The following MYO18A variants were observed in gnomAD, a reference collection of about 807,000 sequenced individuals.
MYO18A encodes unconventional myosin-XVIIIa.
MYO18A carries 78 observed loss-of-function variants against 235.8 expected under a neutral mutation model. The ratio of observed to expected loss-of-function variants is 0.33; its 90% CI spans 0.28 to 0.40. The LOEUF (loss-of-function observed/expected upper bound fraction) is 0.40. MYO18A is among the 10% of genes least tolerant of loss of function. The probability of loss-of-function intolerance (pLI) is 1.00; values close to 1 mark genes in which losing one functional copy is unlikely to be tolerated. For synonymous variants in MYO18A, 977 were observed against 1,077.8 expected, an observed-to-expected ratio of 0.91 and a Z score of 1.83; for missense variants, 2,215 against 2,699.3, an observed-to-expected ratio of 0.82 and a Z score of 3.98.
At chr17:29,092,254 G>T in intron 34 of MYO18A, 89 bp downstream of exon 34, 1 of 929,692 alleles carries the variant, frequency 1.1e-6, no homozygotes, top group South Asian at 1.5e-5. Flanking sequence ...CTGACGTGGA[G>T]GGACCTGTCT....
chr17:29,122,414 G>A (rs2067223534), intron 2 of MYO18A, among the ~76,000 whole-genome samples, 161 bp from the exon 3 acceptor site: 1 of 152,222 alleles, frequency 6.6e-6, no homozygotes, highest in Non-Finnish European at 1.5e-5. Context: ...AGAGGTGTCT[G>A]GGAAAGAGGG....
Position 29,111,320 on chromosome 17 carries a change from A to G in MYO18A, c.2900+104T>C, listed in dbSNP as rs2066922195. 1.5e-5 allele frequency: 20 copies of G among 1,333,966 alleles called. No individual in the cohort carries two copies. Among genetic ancestry groups the G allele is most frequent in the Admixed American group, 2.1e-5 (1 of 47,430 alleles). The allele number at this position is 1,333,966 out of a possible 1,614,324, so 82.6% of individuals were successfully genotyped here. On this transcript the variant is annotated intron_variant, in intron 17 of 41. Coordinates refer to ENST00000527372, the MANE Select transcript of MYO18A (RefSeq NM_078471.4). The surrounding 1 kb of genome is among the most constrained non-coding windows in gnomAD (Gnocchi z 5.1). ...TGCCTCTCAGGAATAAAGGCCATCT[A>G]CTTTGCTAGTGAGGGGGCCTCTGAG...
At position 29,115,335 on chromosome 17, in the gene MYO18A, C is replaced by T. The variant is rs756758508; in HGVS notation, c.2318+16G>A. On this transcript the variant is annotated intron_variant, in intron 13 of 41. Transcript: ENST00000527372. ...TGCCAAAGCAGGAAAAGCCCTGGGT[C>T]CTGCCTGGCACTCACCTATTCACCA... 7.4e-6 allele frequency: 12 copies of T among 1,613,462 alleles called. No homozygotes were observed. The Admixed American group carries it at 1.2e-4, about 16-fold the overall frequency.
At chr17:29,076,356 A>AT (rs397795020) in intron 41 of MYO18A, 1 of 149,676 alleles carries the variant, frequency 6.7e-6, no homozygotes, top group African/African-American at 2.5e-5. Context: ...AAAAAAAAAA[A>AT]GGACCAAACC....
At chr17:29,162,983 C>T (rs865889809) in intron 2 of MYO18A, among the ~76,000 whole-genome samples, 10 of 152,328 alleles carry the variant, frequency 6.6e-5, no homozygotes, top group Middle Eastern at 3.4e-3. Context: ...TGGAGAGGAG[C>T]CGGGGGCCTG....
chr17:29,104,050 A>C (rs1299672904), intron 20 of MYO18A, among the ~76,000 whole-genome samples: 1 of 152,264 alleles, frequency 6.6e-6, no homozygotes, highest in East Asian at 1.9e-4. Flanking sequence ...ACAAGACAGC[A>C]AAATGCACTG....
At chr17:29,157,455 G>A (rs2068085466) in intron 2 of MYO18A, among the ~76,000 whole-genome samples, 1 of 152,208 alleles carries the variant, frequency 6.6e-6, no homozygotes, top group Non-Finnish European at 1.5e-5. Flanking sequence ...GAGCTAGGCA[G>A]TGGATTTATA....
At chr17:29,142,383 G>A (rs1031799858) in intron 2 of MYO18A, among the ~76,000 whole-genome samples, 4 of 152,268 alleles carry the variant, frequency 2.6e-5, no homozygotes, top group Admixed American at 6.5e-5. Flanking sequence ...TGATTTAGCT[G>A]TGTGAACACA....
intron 2 of MYO18A, among the ~76,000 whole-genome samples, chr17:29,163,502 C>T (rs1281895557): frequency 2.0e-5 from 3 of 152,162 alleles, no homozygotes; most frequent in Non-Finnish European, 4.4e-5. Context: ...GGCTGAGGCT[C>T]GGGGAAGAAG....
At chr17:29,149,375 G>A (rs1326702711) in intron 2 of MYO18A, among the ~76,000 whole-genome samples, 1 of 152,190 alleles carries the variant, frequency 6.6e-6, no homozygotes, top group African/African-American at 2.4e-5. Context: ...TCTAGAGAGG[G>A]GCTTGTCTAG....
chr17:29,134,279 C>G (rs2067542018), intron 2 of MYO18A, among the ~76,000 whole-genome samples: 1 of 151,858 alleles, frequency 6.6e-6, no homozygotes, highest in Non-Finnish European at 1.5e-5. Context: ...GATGGGGGTT[C>G]ACCATGTTGG....
chr17:29,120,747 G>T lies in MYO18A; in HGVS notation c.1597C>A (p.Gln533Lys). Reference sequence around the variant, plus strand: ...GCTTCCAGGAGGGTGTACAGAGCCTGCCACTTCTCCACTGCAGAATACAGG... The same window carrying T: ...GCTTCCAGGAGGGTGTACAGAGCCTTCCACTTCTCCACTGCAGAATACAGG... ...GNKVFSVEKW[Q>K]ALYTLLEAFG... The change falls in exon 7 of 42, where the codon CAG (glutamine) becomes AAG (lysine). Residue 533 changes from glutamine (Q) to lysine (K), a missense_variant. By Grantham distance (53) the Gln-to-Lys change is moderately conservative (BLOSUM62 1). Coordinates refer to ENST00000527372, the MANE Select transcript of MYO18A (RefSeq NM_078471.4). This position sits in a 1 kb window ranked among gnomAD's most constrained non-coding sequence, Gnocchi z 4.2. 1 of 1,613,392 alleles carries T rather than the reference G, an allele frequency of 6.2e-7. No individual in the cohort carries two copies. The highest frequency in any genetic ancestry group is 8.5e-7 in the Non-Finnish European group (1 of 1,179,608).
chr17:29,097,162 C>T, intron 27 of MYO18A, 61 bp downstream of exon 27: 1 of 1,591,154 alleles, frequency 6.3e-7, no homozygotes, highest in East Asian at 2.2e-5. Context: ...TGGACCGACA[C>T]AAGGCACCAG....
At chr17:29,091,734 G>C (rs2066402696) in intron 34 of MYO18A, 3 of 452,584 alleles carry the variant, frequency 6.6e-6, no homozygotes, top group Non-Finnish European at 1.3e-5. Flanking sequence ...GAAGCCACCA[G>C]CCCAGCCCAG....
chr17:29,143,358 T>C (rs1349321713), intron 2 of MYO18A, among the ~76,000 whole-genome samples: 3 of 151,118 alleles, frequency 2.0e-5, no homozygotes, highest in Admixed American at 1.3e-4. Context: ...TCAGCCTCCG[T>C]AGTAGCTGGG....
In MYO18A at chr17:29,090,107, G is replaced by A. The variant is rs1247363711; in HGVS notation, c.5389-9C>T. ...CTCTGGAGGGCTTGTAGCTAGAGGT[G>A]GGGGACAGGAAGAGAAGAAAGAACT... On this transcript the variant is annotated splice_polypyrimidine_tract_variant and intron_variant, in intron 36 of 41. Coordinates refer to ENST00000527372, the MANE Select transcript of MYO18A (RefSeq NM_078471.4). 1.2e-6 allele frequency: 2 copies of A among 1,609,772 alleles called. No homozygotes were observed. Among genetic ancestry groups the A allele is most frequent in the Non-Finnish European group, 1.7e-6 (2 of 1,177,888 alleles).
Position 29,140,360 on chromosome 17 carries a change from C to T in MYO18A, c.1000-18107G>A. 1 of 1,282,426 alleles carries T rather than the reference C, an allele frequency of 7.8e-7. No homozygotes were observed. Among genetic ancestry groups the T allele is most frequent in the Non-Finnish European group, 1.0e-6 (1 of 985,546 alleles). The allele number at this position is 1,282,426 out of a possible 1,614,324, so 79.4% of individuals were successfully genotyped here. A position where few individuals can be genotyped will look rare whatever the true frequency, so the allele number is the denominator to read the frequency against. On this transcript the variant is annotated intron_variant, in intron 2 of 41. Coordinates refer to ENST00000527372, the MANE Select transcript of MYO18A (RefSeq NM_078471.4). This position sits in a 1 kb window ranked among gnomAD's most constrained non-coding sequence, Gnocchi z 4.2. ...CTCACCCGCATGGCCTGGCCTGGAG[C>T]AGCCCAGAGCAAGGAGACTCCGCTC...
In MYO18A at chr17:29,166,416, C is replaced by T; in HGVS notation, c.525G>A (p.Gln175=). The stretch of plus-strand genomic sequence containing the variant: ...TGCCTGGGCCAGGATGCTGCACCAG[C>T]TGTCCCTCTAGAGTCCTCACCTCCA... ...PQVEVRTLEG[Q]LVQHPGPGIP... Residue 175 remains glutamine (Q), a synonymous_variant, in exon 2 of 42, where the codon CAG becomes CAA. Coordinates refer to ENST00000527372, the MANE Select transcript of MYO18A (RefSeq NM_078471.4). 5 of 1,613,872 alleles carry T rather than the reference C, an allele frequency of 3.1e-6. No homozygotes were observed. The highest frequency in any genetic ancestry group is 4.2e-6 in the Non-Finnish European group (5 of 1,179,896).
chr17:29,090,190 A>G (rs2066363298), intron 36 of MYO18A, 92 bp from the exon 37 acceptor site: 2 of 1,421,424 alleles, frequency 1.4e-6, no homozygotes, highest in Admixed American at 2.2e-5. Context: ...CAGTGACCAG[A>G]AGGCAAGGGG....
Sources: gnomAD v4.1 joint callset for allele counts (sites outside exome capture counted in the v4.1 genomes callset) on GRCh38, gnomAD v4.1.1 for gene constraint, Gnocchi (gnomAD v3.1) non-coding constraint, MANE v1.5 for transcripts, NCBI Gene and HGNC (gene_info 2026-07-23, HGNC 2026-07-21) for gene names.